Variants in TMEM106B observed in about 807,000 individuals in gnomAD.
TMEM106B encodes the protein transmembrane protein 106B.
Under a neutral mutation model 31.1 loss-of-function variants are expected in TMEM106B, and 15 were observed. That is an observed-to-expected ratio of 0.48 (90% CI 0.32 to 0.74). The LOEUF is 0.74. Ranked by LOEUF, TMEM106B falls within the 30% of genes least tolerant of loss-of-function variation. TMEM106B has a pLI of 0.03. For missense variants in TMEM106B, 283 were observed against 327.3 expected (o/e 0.86, Z 1.04); for synonymous variants, 126 against 112.5 (o/e 1.12, Z -0.76).
In TMEM106B at chr7:12,239,450, A is replaced by T. The variant is rs1259412766; in HGVS notation, c.*7475A>T. 2 of 152,192 alleles carry T rather than the reference A, an allele frequency of 1.3e-5. No individual in the cohort carries two copies. The highest frequency in any genetic ancestry group is 4.8e-5 in the African/African-American group (2 of 41,464). The allele number at this position is 152,192 out of a possible 1,614,324, so 9.4% of individuals were successfully genotyped here. On this transcript the variant is annotated 3_prime_UTR_variant, in exon 8 of 8. Transcript: ENST00000396668. ...TTTCAATTACTTACAGTAAGGAAAT[A>T]GCACTTTTAATTTCCTTCAAGAACT...
chr7:12,218,308 C>A, intron 2 of TMEM106B, 150 bp from the exon 3 acceptor site: 1 of 457,052 alleles, frequency 2.2e-6, no homozygotes, highest in Non-Finnish European at 3.8e-6. Context: ...AGAACTTCTG[C>A]TGGATACTTT....
At chr7:12,215,065 T>A in intron 2 of TMEM106B, 38 bp downstream of exon 2, 1 of 1,562,248 alleles carries the variant, frequency 6.4e-7, no homozygotes, top group Non-Finnish European at 8.7e-7. Flanking sequence ...TAAATGATTT[T>A]AGGTATTTGC....
At position 12,239,023 on chromosome 7, in the gene TMEM106B, T is replaced by G. The variant is rs1442291149; in HGVS notation, c.*7048T>G. 6.6e-6 allele frequency: 1 copy of G among 152,178 alleles called. No individual in the cohort carries two copies. Among genetic ancestry groups the G allele is most frequent in the African/African-American group, 2.4e-5 (1 of 41,460 alleles). 9.4% of individuals were successfully genotyped at this position (152,178 alleles called of 1,614,324 possible). ...TGACTTCTCTTTAGCTATGAAAGTTTTAGATGGCACCTTTTTGTAAAAGAA... is the reference window on the plus strand; with the variant it reads ...TGACTTCTCTTTAGCTATGAAAGTTGTAGATGGCACCTTTTTGTAAAAGAA... On this transcript the variant is annotated 3_prime_UTR_variant, in exon 8 of 8. Coordinates refer to ENST00000396668, the MANE Select transcript of TMEM106B (RefSeq NM_001134232.2).
In TMEM106B at chr7:12,235,910, T is replaced by A. The variant is rs2128529033; in HGVS notation, c.*3935T>A. 1 of 152,024 alleles carries A rather than the reference T, an allele frequency of 6.6e-6. No homozygotes were observed. The allele number at this position is 152,024 out of a possible 1,614,324, so 9.4% of individuals were successfully genotyped here. On this transcript the variant is annotated 3_prime_UTR_variant, in exon 8 of 8. Transcript: ENST00000396668. The stretch of plus-strand genomic sequence containing the variant: ...TTAGCTCACATCTGGAAGCAGCAAC[T>A]ACTTGGCTCAAGTACATATAAGAGT...
chr7:12,237,808 T>TACACACAC lies in TMEM106B; in HGVS notation c.*5834_*5835insCACACACA, dbSNP rs1251586270. On this transcript the variant is annotated 3_prime_UTR_variant, in exon 8 of 8. Transcript: ENST00000396668. Reference sequence around the variant, plus strand: ...CAACATGGCGAGACCCCATATAAAATATATACATACACACACACACACACA... The same window carrying TACACACAC: ...CAACATGGCGAGACCCCATATAAAATACACACACATATACATACACACACACACACACA... 3.2e-3 allele frequency: 273 copies of TACACACAC among 84,998 alleles called. 3 individuals are homozygous for TACACACAC. The highest frequency in any genetic ancestry group is 0.027 in the East Asian group (79 of 2,908). 5.3% of individuals were successfully genotyped at this position (84,998 alleles called of 1,614,324 possible).
chr7:12,221,386 A>G (rs1306301363), intron 3 of TMEM106B, among the ~76,000 whole-genome samples: 1 of 152,194 alleles, frequency 6.6e-6, no homozygotes, highest in African/African-American at 2.4e-5. Context: ...TGGAAATTTT[A>G]TACTTAAATA....
At position 12,212,364 on chromosome 7, in the gene TMEM106B, G is replaced by C. The variant is rs77244413; in HGVS notation, c.-3+939G>C. 7.3e-4 allele frequency among the ~76,000 whole-genome samples: 111 copies of C among 152,298 alleles called. 2 individuals are homozygous for C. The East Asian group carries it at 0.019, about 26-fold the overall frequency. On this transcript the variant is annotated intron_variant, in intron 1 of 7. Coordinates refer to ENST00000396668, the MANE Select transcript of TMEM106B (RefSeq NM_001134232.2). ...CGCATAGACCCCAAGGTTACAGTGT[G>C]TGGGGACAGTGATGTTAAGTCTTCC...
At chr7:12,218,577 T>C in intron 3 of TMEM106B, 56 bp downstream of exon 3, 1 of 1,452,092 alleles carries the variant, frequency 6.9e-7, no homozygotes, top group Non-Finnish European at 9.4e-7. Flanking sequence ...TTTTTTGTAT[T>C]TTTTCAAATT....
At chr7:12,227,501 T>A (rs917076129) in intron 4 of TMEM106B, among the ~76,000 whole-genome samples, 3 of 152,048 alleles carry the variant, frequency 2.0e-5, no homozygotes, top group Admixed American at 6.6e-5. Flanking sequence ...AATGCACATT[T>A]CAACTGAGGT....
intron 4 of TMEM106B, among the ~76,000 whole-genome samples, chr7:12,228,964 TTTTTC>T (rs760228767): frequency 1.8e-4 from 27 of 152,118 alleles, no homozygotes; most frequent in Non-Finnish European, 3.5e-4. Flanking sequence ...GAGTTTTGTC[TTTTTC>T]TTTTCAATTT....
At chr7:12,230,158 G>A (rs543029903) in intron 5 of TMEM106B, among the ~76,000 whole-genome samples, 15 of 151,900 alleles carry the variant, frequency 9.9e-5, no homozygotes, top group African/African-American at 2.2e-4. Flanking sequence ...GTCGAGGCTC[G>A]CGAGCCGTGA....
rs970605664 is a variant in TMEM106B, at chr7:12,242,623, T to A, written c.*10648T>A. 1.3e-5 allele frequency: 2 copies of A among 152,176 alleles called. No homozygotes were observed. The highest frequency in any genetic ancestry group is 1.3e-4 in the Admixed American group (2 of 15,270). The allele number at this position is 152,176 out of a possible 1,614,324, so 9.4% of individuals were successfully genotyped here. A position where few individuals can be genotyped will look rare whatever the true frequency, so the allele number is the denominator to read the frequency against. On this transcript the variant is annotated 3_prime_UTR_variant, in exon 8 of 8. Transcript: ENST00000396668. Reference sequence around the variant, plus strand: ...TGATATTATCTAATTGTGTCCTTACTGGGTAACTTGTGTATTTTTCAAGTT... The same window carrying A: ...TGATATTATCTAATTGTGTCCTTACAGGGTAACTTGTGTATTTTTCAAGTT...
chr7:12,212,739 T>G (rs1781605523), intron 1 of TMEM106B, among the ~76,000 whole-genome samples: 1 of 152,184 alleles, frequency 6.6e-6, no homozygotes, highest in Non-Finnish European at 1.5e-5. Context: ...GCAACACACA[T>G]TGTACCCACC....
At chr7:12,218,953 A>C (rs1781737996) in intron 3 of TMEM106B, among the ~76,000 whole-genome samples, 1 of 152,162 alleles carries the variant, frequency 6.6e-6, no homozygotes, top group Non-Finnish European at 1.5e-5. Flanking sequence ...CCTGATACAC[A>C]AAGCAAATAC....
At chr7:12,227,165 G>A (rs1025923978) in intron 4 of TMEM106B, among the ~76,000 whole-genome samples, 1 of 151,920 alleles carries the variant, frequency 6.6e-6, no homozygotes, top group African/African-American at 2.4e-5. Context: ...AAGATTATTT[G>A]GATGAACATT....
intron 3 of TMEM106B, among the ~76,000 whole-genome samples, chr7:12,219,487 A>C (rs1404350098): frequency 6.6e-6 from 1 of 152,218 alleles, no homozygotes; most frequent in African/African-American, 2.4e-5. Flanking sequence ...TATACTTTTT[A>C]AGAAGTTGAA....
At chr7:12,229,879 T>C (rs1346189829) in intron 5 of TMEM106B, 60 bp downstream of exon 5, 34 of 1,516,638 alleles carry the variant, frequency 2.2e-5, no homozygotes, top group African/African-American at 5.6e-5. Context: ...TTGTATATCA[T>C]ATAACTTGAA....
intron 5 of TMEM106B, among the ~76,000 whole-genome samples, chr7:12,230,052 A>AT (rs1781987445): frequency 9.5e-6 from 1 of 105,548 alleles, no homozygotes; most frequent in African/African-American, 4.7e-5. Context: ...CCTCATCTCT[A>AT]CAAAAAAATA....
intron 1 of TMEM106B, among the ~76,000 whole-genome samples, chr7:12,212,214 C>CT (rs1036545717): frequency 3.0e-4 from 45 of 152,298 alleles, no homozygotes; most frequent in African/African-American, 1.1e-3. Context: ...CTTTCTGTGT[C>CT]TTTTTTCTCA....
Sources: allele counts gnomAD v4.1 joint callset (sites outside exome capture counted in the v4.1 genomes callset), GRCh38; gene constraint gnomAD v4.1.1; transcripts MANE v1.5; gene names NCBI Gene and HGNC (gene_info 2026-07-23, HGNC 2026-07-21).